IPO9: variants seen among roughly 807,000 people sequenced by gnomAD.
IPO9 encodes the protein importin 9, also known as importin-9.
Under a neutral mutation model 128.6 loss-of-function variants are expected in IPO9, and 28 were observed. The observed-to-expected ratio is 0.22, with a 90% CI of 0.16 to 0.30. The LOEUF is 0.30. Ranked by LOEUF, IPO9 falls within the 10% of genes least tolerant of loss-of-function variation. The probability of loss-of-function intolerance (pLI) is 1.00; values close to 1 mark genes in which losing one functional copy is unlikely to be tolerated. For synonymous variants in IPO9, 455 were observed against 475.8 expected (o/e 0.96, Z 0.57); for missense variants, 935 against 1,293.9 (o/e 0.72, Z 4.26).
intron 1 of IPO9, among the ~76,000 whole-genome samples, chr1:201,832,385 A>G (rs1425124917): frequency 2.0e-5 from 3 of 151,548 alleles, no homozygotes; most frequent in Non-Finnish European, 2.9e-5. Context: ...CAGCCTCCCA[A>G]GTAGTTGGGA....
chr1:201,875,341 AC>A, intron 23 of IPO9, 113 bp downstream of exon 23: 3 of 947,458 alleles, frequency 3.2e-6, no homozygotes, highest in Non-Finnish European at 5.1e-6. Context: ...TGTAATCCCA[AC>A]ACTTTGGGAG....
chr1:201,873,273 C>T (rs142152231), intron 20 of IPO9, among the ~76,000 whole-genome samples: 2,079 of 151,842 alleles, frequency 0.014, 43 homozygotes, highest in African/African-American at 0.045. Flanking sequence ...GGTGAAATCC[C>T]GTCTTTACTA....
intron 13 of IPO9, among the ~76,000 whole-genome samples, chr1:201,860,299 C>T (rs1042226189): frequency 3.3e-5 from 5 of 152,226 alleles, no homozygotes; most frequent in Non-Finnish European, 7.3e-5. Context: ...TCCATCACTT[C>T]CATTCTCTGA....
intron 13 of IPO9, 40 bp downstream of exon 13, chr1:201,859,034 A>T: frequency 6.3e-7 from 1 of 1,583,982 alleles, no homozygotes; most frequent in South Asian, 1.1e-5. Context: ...AAACTCTTTA[A>T]ACCTGTTGTG....
chr1:201,872,857 A>G lies in IPO9; in HGVS notation c.2606A>G (p.His869Arg), dbSNP rs1231187278. ...GTGGCACTCTGTAAGCTGCTCCAGC[A>G]TGGCATCAATGCAGATGACAAACGG... Reference protein sequence around the residue: ...SSVALCKLLQHGINADDKRLQ... With the variant: ...SSVALCKLLQRGINADDKRLQ... Residue 869 changes from histidine (H) to arginine (R), a missense_variant, in exon 20 of 24, where the codon CAT becomes CGT. Physicochemically the swap from His to Arg is conservative, Grantham distance 29. Around this residue, in one of 3 missense-constraint regions of IPO9, gnomAD observed 188 missense variants for 246.7 expected, o/e 0.76. Coordinates refer to ENST00000361565, the MANE Select transcript of IPO9 (RefSeq NM_018085.5). 6.2e-7 allele frequency: 1 copy of G among 1,613,730 alleles called. No individual in the cohort carries two copies.
rs532781570 is a variant in IPO9, at chr1:201,838,266, A to G, written c.163+8894A>G. ...AGTATCATCCATTATCACACTAAGT[A>G]TCTGAACTCAAAGGAATTGTGGATG... On this transcript the variant is annotated intron_variant, in intron 1 of 23. Coordinates refer to ENST00000361565, the MANE Select transcript of IPO9 (RefSeq NM_018085.5). Among the ~76,000 whole-genome samples, 22 of 152,330 alleles carry G rather than the reference A, an allele frequency of 1.4e-4. No homozygotes were observed. In the South Asian group the frequency reaches 4.4e-3, roughly 30 times the overall value.
Position 201,858,972 on chromosome 1 carries a change from C to T in IPO9, c.1446C>T (p.Ile482=), listed in dbSNP as rs144867484. Residue 482 remains isoleucine (I), a synonymous_variant, in exon 13 of 24, where the codon ATC becomes ATT. Transcript: ENST00000361565. The part of the protein sequence containing the change: ...FDMHGFLTNV[I]LADLNLSVSP... ...TGCATGGGTTCCTGACCAATGTCAT[C>T]CTTGCAGACCTCAACCTCTCAGGTA... The T allele has an allele frequency of 3.9e-5, 63 of 1,609,320 alleles. No individual in the cohort carries two copies. The African/African-American group carries it at 7.1e-4, about 18-fold the overall frequency.
intron 11 of IPO9, 21 bp from the exon 12 acceptor site, chr1:201,858,425 AT>A: frequency 7.4e-7 from 1 of 1,356,414 alleles, no homozygotes; most frequent in Admixed American, 2.3e-5. Context: ...AAACAGATTT[AT>A]TAGCTCTTCT....
rs975388100 is a variant in IPO9, at chr1:201,866,642, A to C, written c.1629-91A>C. The C allele has an allele frequency of 1.3e-5, 12 of 941,002 alleles. No individual in the cohort carries two copies. In the African/African-American group the frequency reaches 2.0e-4, roughly 15 times the overall value. 58.3% of individuals were successfully genotyped at this position (941,002 alleles called of 1,614,324 possible). ...ACTTTAGAATTAGCTTTATAAAGCT[A>C]CACATACAAATGCTATAATATGTGA... On this transcript the variant is annotated intron_variant, in intron 14 of 23. Coordinates refer to ENST00000361565, the MANE Select transcript of IPO9 (RefSeq NM_018085.5).
chr1:201,855,248 G>A, intron 9 of IPO9, 66 bp downstream of exon 9: 1 of 1,014,020 alleles, frequency 9.9e-7, no homozygotes, highest in Non-Finnish European at 1.5e-6. Flanking sequence ...AGCCAGAGAT[G>A]GGGGCGGGAA....
At chr1:201,843,636 T>TG (rs1387694899) in intron 1 of IPO9, among the ~76,000 whole-genome samples, 3 of 152,210 alleles carry the variant, frequency 2.0e-5, no homozygotes, top group Non-Finnish European at 1.5e-5. Context: ...AAGACCAGCC[T>TG]GGCCAACATG....
chr1:201,847,247 A>G (rs1044136203), intron 1 of IPO9, 32 bp from the exon 2 acceptor site: 4 of 1,536,820 alleles, frequency 2.6e-6, no homozygotes, highest in Non-Finnish European at 3.6e-6. Flanking sequence ...TTTCCTAGGT[A>G]CTCTTAGACT....
Position 201,875,898 on chromosome 1 carries a change from G to A in IPO9, c.3016-46G>A, listed in dbSNP as rs1183068562. 3.3e-6 allele frequency: 4 copies of A among 1,212,612 alleles called. No individual in the cohort carries two copies. In the South Asian group the frequency reaches 4.9e-5, roughly 15 times the overall value. The allele number at this position is 1,212,612 out of a possible 1,614,324, so 75.1% of individuals were successfully genotyped here. ...GTGGTTCTTGCTCCACTGCAAATGGGTGACTTGCAATGTCTCACTAATGCC... is the reference window on the plus strand; with the variant it reads ...GTGGTTCTTGCTCCACTGCAAATGGATGACTTGCAATGTCTCACTAATGCC... On this transcript the variant is annotated intron_variant, in intron 23 of 23. Coordinates refer to ENST00000361565, the MANE Select transcript of IPO9 (RefSeq NM_018085.5).
At chr1:201,856,622 A>G (rs10800793) in intron 10 of IPO9, among the ~76,000 whole-genome samples, 45,620 of 152,118 alleles carry the variant, frequency 0.3, 7,533 homozygotes, top group East Asian at 0.41. Context: ...TTATTTCTCT[A>G]CATCAAAAAG....
intron 4 of IPO9, chr1:201,850,894 C>T (rs1418727645): frequency 9.2e-5 from 14 of 152,110 alleles, no homozygotes; most frequent in Non-Finnish European, 1.5e-5. Flanking sequence ...TCATTTGACT[C>T]GTGGGGATTG....
chr1:201,868,622 A>G, intron 15 of IPO9, 26 bp from the exon 16 acceptor site: 1 of 1,600,974 alleles, frequency 6.2e-7, no homozygotes, highest in Non-Finnish European at 8.5e-7. Flanking sequence ...AGGCAGGGGG[A>G]TTCCGTGTTG....
At chr1:201,868,840 A>G (rs1379134923) in intron 16 of IPO9, 44 bp downstream of exon 16, 1 of 1,544,550 alleles carries the variant, frequency 6.5e-7, no homozygotes, top group East Asian at 2.3e-5. Context: ...AGAGAGATCT[A>G]CAAGTGCCAC....
chr1:201,873,472 G>A (rs1204726199), intron 20 of IPO9, among the ~76,000 whole-genome samples: 1 of 149,706 alleles, frequency 6.7e-6, no homozygotes, highest in Non-Finnish European at 1.5e-5. Context: ...AAAAATGCAG[G>A]CGTGGTGGCT....
In IPO9 at chr1:201,871,295, C is replaced by T. The variant is rs1338705138; in HGVS notation, c.2544C>T (p.His848=). Residue 848 remains histidine, a synonymous_variant, in exon 19 of 24, where the codon CAC becomes CAT. Transcript: ENST00000361565. The part of the protein sequence containing the change: ...FVMAEWTSRQ[H]LFYGQYEGKV... ...TGGCTGAGTGGACAAGCCGACAGCACCTGTTCTATGGACAGTATGAAGGCA... is the reference window on the plus strand; with the variant it reads ...TGGCTGAGTGGACAAGCCGACAGCATCTGTTCTATGGACAGTATGAAGGCA... The T allele has an allele frequency of 1.2e-6, 2 of 1,611,380 alleles. No homozygotes were observed. The highest frequency in any genetic ancestry group is 2.7e-5 in the African/African-American group (2 of 74,584).
Sources: gnomAD v4.1 joint callset for allele counts (sites outside exome capture counted in the v4.1 genomes callset) on GRCh38, gnomAD v4.1.1 for gene constraint, gnomAD v4.1.1 regional missense constraint, MANE v1.5 for transcripts, NCBI Gene and HGNC (gene_info 2026-07-23, HGNC 2026-07-21) for gene names.